Variants in PLEKHG3 observed in about 807,000 individuals in gnomAD.
PLEKHG3 encodes the protein pleckstrin homology and RhoGEF domain containing G3.
Under a neutral mutation model 94.9 loss-of-function variants are expected in PLEKHG3, and 62 were observed. The observed-to-expected ratio is 0.65, with a 90% confidence interval of 0.53 to 0.81. The LOEUF (loss-of-function observed/expected upper bound fraction) is 0.81. PLEKHG3 is among the 30% of genes least tolerant of loss of function. The pLI, the probability that PLEKHG3 is intolerant of heterozygous loss-of-function variation, is 0.00. For missense variants in PLEKHG3, 1,461 were observed against 1,619.3 expected (o/e 0.90, Z 1.68); for synonymous variants, 614 against 654.0 (o/e 0.94, Z 0.93).
At chr14:64,706,828 G>A (rs1197840318) in intron 1 of PLEKHG3, among the ~76,000 whole-genome samples, 2 of 152,234 alleles carry the variant, frequency 1.3e-5, no homozygotes, top group South Asian at 2.1e-4. Flanking sequence ...TGCCTTGCCC[G>A]TTCTCTTCTC....
chr14:64,738,208 T>C lies in PLEKHG3; in HGVS notation c.1405-534T>C, dbSNP rs1411358941. The C allele has an allele frequency of 1.6e-6, 2 of 1,288,634 alleles. No homozygotes were observed. The highest frequency in any genetic ancestry group is 2.0e-6 in the Non-Finnish European group (2 of 988,984). 79.8% of individuals were successfully genotyped at this position (1,288,634 alleles called of 1,614,324 possible). ...CACTATCGGGCCAACGCTTTACTTT[T>C]CTCCCGGGGCGCTATGGTGAGGTGT... On this transcript the variant is annotated intron_variant, in intron 14 of 16. Coordinates refer to ENST00000247226, the MANE Select transcript of PLEKHG3 (RefSeq NM_001308147.2). This position sits in a 1 kb window ranked among gnomAD's most constrained non-coding sequence, Gnocchi z 4.8.
chr14:64,742,992 G>A lies in PLEKHG3; in HGVS notation c.2949G>A (p.Lys983=). 6.2e-7 allele frequency: 1 copy of A among 1,613,350 alleles called. No homozygotes were observed. The highest frequency in any genetic ancestry group is 1.1e-5 in the South Asian group (1 of 91,072). Residue 983 remains lysine, a synonymous_variant, in exon 17 of 17, where the codon AAG becomes AAA. Transcript: ENST00000247226. ...GCTCTCTCCTCATAGGTAAGAGGAA[G>A]CCGGTGCTGTCTCTATTTGACTATG... ...GEPLGGKGKR[K]PVLSLFDYEQ...
chr14:64,708,822 AC>A (rs1434557242), intron 1 of PLEKHG3, among the ~76,000 whole-genome samples: 1 of 51,962 alleles, frequency 1.9e-5, no homozygotes, highest in African/African-American at 7.0e-5. Flanking sequence ...CCCCCGCCCC[AC>A]CCCCCAAGTA....
rs540384314 is a variant in PLEKHG3, at chr14:64,706,506, C to A, written c.-40+1802C>A. Among the ~76,000 whole-genome samples the A allele has an allele frequency of 9.2e-5, 14 of 152,336 alleles. No individual in the cohort carries two copies. In the East Asian group the frequency reaches 2.7e-3, roughly 29 times the overall value. On this transcript the variant is annotated intron_variant, in intron 1 of 16. Coordinates refer to ENST00000247226, the MANE Select transcript of PLEKHG3 (RefSeq NM_001308147.2). ...CTGTGGTGAGGATCAAAGGAAGCCT[C>A]ATTTGTGGAAAGTGCTCCATAAACT...
intron 1 of PLEKHG3, among the ~76,000 whole-genome samples, chr14:64,711,418 GTT>G (rs71444671): frequency 0.024 from 3,387 of 142,516 alleles, 132 homozygotes; most frequent in African/African-American, 0.082. Context: ...CTTTTTTTTT[GTT>G]TTTTTTTTTT....
Position 64,739,485 on chromosome 14 carries a change from T to C in PLEKHG3, c.1518+630T>C, listed in dbSNP as rs2081641637. On this transcript the variant is annotated intron_variant, in intron 15 of 16. Coordinates refer to ENST00000247226, the MANE Select transcript of PLEKHG3 (RefSeq NM_001308147.2). This position sits in a 1 kb window ranked among gnomAD's most constrained non-coding sequence, Gnocchi z 4.1. ...AGCATCCTTTACTTTCCCAAAGTTA[T>C]AAGGGAAAGATCGTGAGCTACAGCC... Among the ~76,000 whole-genome samples the C allele has an allele frequency of 6.6e-6, 1 of 152,196 alleles. No homozygotes were observed. Among genetic ancestry groups the C allele is most frequent in the South Asian group, 2.1e-4 (1 of 4,832 alleles).
At chr14:64,737,945 C>G (rs1401192435) in intron 14 of PLEKHG3, 50 of 1,233,738 alleles carry the variant, frequency 4.1e-5, no homozygotes, top group Non-Finnish European at 5.0e-5. Context: ...AAGGGGCTAC[C>G]CAGGAGGAGG....
chr14:64,705,523 A>G (rs555793907), intron 1 of PLEKHG3, among the ~76,000 whole-genome samples: 46 of 152,240 alleles, frequency 3.0e-4, no homozygotes, highest in African/African-American at 1.0e-3. Flanking sequence ...CTGTTGGCAT[A>G]TGTAGGTGCC....
rs189834278 is a variant in PLEKHG3, at chr14:64,721,921, C to A, written c.-39-5672C>A. Among the ~76,000 whole-genome samples, 2 of 152,296 alleles carry A rather than the reference C, an allele frequency of 1.3e-5. No individual in the cohort carries two copies. Among genetic ancestry groups the A allele is most frequent in the Admixed American group, 1.3e-4 (2 of 15,302 alleles). ...GTAAGAGCACAGCCGAGGGATTTCA[C>A]CATCTTAGTTGAGATCTTAGTTGAG... On this transcript the variant is annotated intron_variant, in intron 1 of 16. Transcript: ENST00000247226. This position sits in a 1 kb window ranked among gnomAD's most constrained non-coding sequence, Gnocchi z 4.3.
Position 64,745,851 on chromosome 14 carries a change from C to G in PLEKHG3, c.*2148C>G, listed in dbSNP as rs1030747331. 2 of 152,174 alleles carry G rather than the reference C, an allele frequency of 1.3e-5. No individual in the cohort carries two copies. The highest frequency in any genetic ancestry group is 4.8e-5 in the African/African-American group (2 of 41,412). 9.4% of individuals were successfully genotyped at this position (152,174 alleles called of 1,614,324 possible). On this transcript the variant is annotated 3_prime_UTR_variant, in exon 17 of 17. Coordinates refer to ENST00000247226, the MANE Select transcript of PLEKHG3 (RefSeq NM_001308147.2). This position sits in a 1 kb window ranked among gnomAD's most constrained non-coding sequence, Gnocchi z 5.0. ...TATGCCTGGGAACCTTGCACCAGGT[C>G]GGTGGTTCTCACTGGCTGCCCATTG...
rs760026960 is a variant in PLEKHG3 at position 64,741,092 on chromosome 14, G to T, written c.1575G>T (p.Gly525=). 1 of 1,612,978 alleles carries T rather than the reference G, an allele frequency of 6.2e-7. No individual in the cohort carries two copies. The highest frequency in any genetic ancestry group is 8.5e-7 in the Non-Finnish European group (1 of 1,179,312). ...SEQEVFSAVE[G]PSAEETPSDT... is the part of the protein sequence containing the mutation. ...AAGAGGTATTTTCTGCTGTGGAAGG[G>T]CCCAGTGCCGAGGAGACGCCTTCAG... Residue 525 remains glycine (G), a synonymous_variant, in exon 16 of 17, where the codon GGG becomes GGT. Coordinates refer to ENST00000247226, the MANE Select transcript of PLEKHG3 (RefSeq NM_001308147.2).
Position 64,725,040 on chromosome 14 carries a change from T to C in PLEKHG3, c.-39-2553T>C, listed in dbSNP as rs2081326637. ...GCTTAGTTTGCAGACAGGTAGCCTA[T>C]GATCAATCAGAGAGAAAACTTCTGT... On this transcript the variant is annotated intron_variant, in intron 1 of 16. Transcript: ENST00000247226. This position sits in a 1 kb window ranked among gnomAD's most constrained non-coding sequence, Gnocchi z 5.0. Among the ~76,000 whole-genome samples, 1 of 152,230 alleles carries C rather than the reference T, an allele frequency of 6.6e-6. No individual in the cohort carries two copies. Among genetic ancestry groups the C allele is most frequent in the Non-Finnish European group, 1.5e-5 (1 of 68,048 alleles).
rs1233448915 is a variant in PLEKHG3, at chr14:64,727,998, C to T, written c.351+16C>T. On this transcript the variant is annotated intron_variant, in intron 2 of 16. Coordinates refer to ENST00000247226, the MANE Select transcript of PLEKHG3 (RefSeq NM_001308147.2). The surrounding 1 kb of genome is among the most constrained non-coding windows in gnomAD (Gnocchi z 6.0). The stretch of plus-strand genomic sequence containing the variant: ...CATCGTGGAGGTGCGTGTCGGAGGC[C>T]TTGCGGCACAGTATTCTAGCAGAAG... The T allele has an allele frequency of 6.8e-7, 1 of 1,467,722 alleles. No homozygotes were observed. 90.9% of individuals were successfully genotyped at this position (1,467,722 alleles called of 1,614,324 possible).
chr14:64,713,053 G>C (rs2139361913), intron 1 of PLEKHG3, among the ~76,000 whole-genome samples: 1 of 152,252 alleles, frequency 6.6e-6, no homozygotes, highest in South Asian at 2.1e-4. Context: ...TGGGTGTATT[G>C]AAGTGATCAG....
rs532704792 is a variant in PLEKHG3 at position 64,716,311 on chromosome 14, T to A, written c.-39-11282T>A. Among the ~76,000 whole-genome samples, 10 of 152,042 alleles carry A rather than the reference T, an allele frequency of 6.6e-5. No homozygotes were observed. In the South Asian group the frequency reaches 2.1e-3, roughly 32 times the overall value. Reference sequence around the variant, plus strand: ...GCTCTTCTTAGTGGACTGTCATGTGTCTGGGTGACACAGCAAGACAGCCCT... The same window carrying A: ...GCTCTTCTTAGTGGACTGTCATGTGACTGGGTGACACAGCAAGACAGCCCT... On this transcript the variant is annotated intron_variant, in intron 1 of 16. Transcript: ENST00000247226. The surrounding 1 kb of genome is among the most constrained non-coding windows in gnomAD (Gnocchi z 5.0).
At chr14:64,737,454 C>G in intron 14 of PLEKHG3, 79 bp downstream of exon 14, 1 of 966,412 alleles carries the variant, frequency 1.0e-6, no homozygotes, top group East Asian at 2.5e-5. Context: ...CCCTTCAGCC[C>G]TCATTGTCTT....
Position 64,741,875 on chromosome 14 carries a change from G to A in PLEKHG3, c.2358G>A (p.Leu786=), listed in dbSNP as rs1192722912. Residue 786 remains leucine, a synonymous_variant, in exon 16 of 17, where the codon CTG becomes CTA. Transcript: ENST00000247226. ...GCTCCCGGCCGACTTCGTGGGCCCT[G>A]TTTGAGCTCCCAGGACCAAGCCAGG... ...QVGSRPTSWA[L]FELPGPSQAV... is the part of the protein sequence containing the mutation. 1 of 1,612,778 alleles carries A rather than the reference G, an allele frequency of 6.2e-7. No individual in the cohort carries two copies.
intron 1 of PLEKHG3, among the ~76,000 whole-genome samples, chr14:64,707,136 G>A (rs568537573): frequency 1.1e-4 from 16 of 152,102 alleles, no homozygotes; most frequent in Non-Finnish European, 1.3e-4. Context: ...CTGCAAACCC[G>A]CCCTACTCCA....
intron 1 of PLEKHG3, among the ~76,000 whole-genome samples, chr14:64,714,835 C>T (rs890381216): frequency 2.0e-5 from 3 of 152,174 alleles, no homozygotes; most frequent in African/African-American, 7.2e-5. Flanking sequence ...TGTGCTTCCA[C>T]CTTCTGGCAT....
Sources: gnomAD v4.1 joint callset for allele counts (sites outside exome capture counted in the v4.1 genomes callset) on GRCh38, gnomAD v4.1.1 for gene constraint, Gnocchi (gnomAD v3.1) non-coding constraint, MANE v1.5 for transcripts, NCBI Gene and HGNC (gene_info 2026-07-23, HGNC 2026-07-21) for gene names.